RYR3: variants seen among roughly 807,000 people sequenced by gnomAD.
RYR3 encodes the protein ryanodine receptor 3.
A neutral mutation model predicts 584.3 loss-of-function variants in RYR3; 207 were observed. The observed-to-expected ratio is 0.35, with a 90% CI of 0.32 to 0.40. The LOEUF is 0.40. Ranked by LOEUF, RYR3 falls within the 10% of genes least tolerant of loss-of-function variation. RYR3 has a pLI of 1.00. For missense variants in RYR3, 5,616 were observed against 6,089.2 expected (o/e 0.92, Z 2.59); for synonymous variants, 2,416 against 2,248.5 (o/e 1.07, Z -2.11).
intron 2 of RYR3, among the ~76,000 whole-genome samples, chr15:33,495,626 C>T (rs2051350490): frequency 6.6e-6 from 1 of 152,038 alleles, no homozygotes. Flanking sequence ...TACCTAGTTC[C>T]TTTGTATTTC....
At chr15:33,635,441 G>C (rs144299649) in intron 25 of RYR3, among the ~76,000 whole-genome samples, 173 bp from the exon 26 acceptor site, 180 of 152,324 alleles carry the variant, frequency 1.2e-3, no homozygotes, top group African/African-American at 4.2e-3. Context: ...TAGCTTGTAT[G>C]GTGATGATGA....
chr15:33,445,713 A>ACACACACC (rs2046594868), intron 1 of RYR3, among the ~76,000 whole-genome samples: 11 of 147,292 alleles, frequency 7.5e-5, no homozygotes, highest in Admixed American at 7.5e-4. Context: ...ACACACACAC[A>ACACACACC]CGAAAGCCAT....
rs141951244 is a variant in RYR3, at chr15:33,664,035, A to G, written c.5619+298A>G. 1.4e-3 allele frequency among the ~76,000 whole-genome samples: 218 copies of G among 152,264 alleles called. 2 individuals carry two copies. Among genetic ancestry groups the G allele is most frequent in the Admixed American group, 5.9e-3 (90 of 15,288 alleles). On this transcript the variant is annotated intron_variant, in intron 36 of 103. Coordinates refer to ENST00000634891, the MANE Select transcript of RYR3 (RefSeq NM_001036.6). ...AAGACCAGACCACTGTTGGGATTCAATTGTCTCCTCAGCAAGGATACACCA... is the reference window on the plus strand; with the variant it reads ...AAGACCAGACCACTGTTGGGATTCAGTTGTCTCCTCAGCAAGGATACACCA...
chr15:33,499,537 G>A (rs561944619), intron 2 of RYR3, among the ~76,000 whole-genome samples: 7 of 152,212 alleles, frequency 4.6e-5, no homozygotes, highest in African/African-American at 1.4e-4. Context: ...ATATATTAGT[G>A]AACATATAAG....
At chr15:33,765,131 A>G (rs1476854167) in intron 60 of RYR3, among the ~76,000 whole-genome samples, 1 of 152,074 alleles carries the variant, frequency 6.6e-6, no homozygotes, top group Non-Finnish European at 1.5e-5. Context: ...CCTAATAGGA[A>G]AAAAATTTTT....
chr15:33,736,105 C>A (rs771173628), intron 48 of RYR3, 130 bp from the exon 49 acceptor site: 139 of 590,768 alleles, frequency 2.4e-4, no homozygotes, highest in Non-Finnish European at 4.0e-4. Context: ...CTTGTTTATC[C>A]GAGATCTTGT....
At chr15:33,666,575 A>G (rs747663428) in intron 36 of RYR3, among the ~76,000 whole-genome samples, 15 of 152,286 alleles carry the variant, frequency 9.8e-5, no homozygotes, top group Non-Finnish European at 1.3e-4. Flanking sequence ...TAGCAATGCA[A>G]AATCACTTAG....
At position 33,771,985 on chromosome 15, in the gene RYR3, C is replaced by G. The variant is rs2073610673; in HGVS notation, c.8882C>G (p.Ala2961Gly). ...AGLRAFFENAAEDLEKTSENL... is the reference protein window; with the variant it reads ...AGLRAFFENAGEDLEKTSENL... ...TTACGAGCATTCTTTGAAAATGCTG[C>G]AGAAGATTTGGAGAAGACTTCAGAA... Residue 2961 changes from alanine to glycine, a missense_variant, in exon 63 of 104, where the codon GCA becomes GGA. By Grantham distance (60) the Ala-to-Gly change is moderately conservative. This residue lies in a region of RYR3 where 954 missense variants were observed against 1,132.2 expected (regional missense o/e 0.84). Coordinates refer to ENST00000634891, the MANE Select transcript of RYR3 (RefSeq NM_001036.6). 39 of 1,613,648 alleles carry G rather than the reference C, an allele frequency of 2.4e-5. No individual in the cohort carries two copies. The highest frequency in any genetic ancestry group is 3.1e-5 in the Non-Finnish European group (37 of 1,179,778).
intron 43 of RYR3, among the ~76,000 whole-genome samples, chr15:33,709,596 C>A (rs1054120897): frequency 2.0e-5 from 3 of 152,164 alleles, no homozygotes; most frequent in African/African-American, 7.2e-5. Context: ...CTGGAGGCCA[C>A]GAGTTCAACA....
intron 67 of RYR3, among the ~76,000 whole-genome samples, chr15:33,791,223 T>A (rs1485158667): frequency 6.6e-6 from 1 of 152,158 alleles, no homozygotes; most frequent in African/African-American, 2.4e-5. Context: ...TCTTCACCAA[T>A]GGGAAGGATC....
chr15:33,758,160 T>C (rs2152862471), intron 60 of RYR3, among the ~76,000 whole-genome samples: 1 of 152,252 alleles, frequency 6.6e-6, no homozygotes, highest in Middle Eastern at 3.4e-3. Context: ...ACCAGGAGAT[T>C]CCCTCAGGTG....
At chr15:33,317,637 G>T (rs1334918086) in intron 1 of RYR3, among the ~76,000 whole-genome samples, 1 of 152,206 alleles carries the variant, frequency 6.6e-6, no homozygotes, top group Non-Finnish European at 1.5e-5. Context: ...CTCTTGAGAT[G>T]CCAAGATTAT....
At chr15:33,593,291 A>G (rs769912744) in intron 16 of RYR3, among the ~76,000 whole-genome samples, 24 of 152,228 alleles carry the variant, frequency 1.6e-4, no homozygotes, top group Non-Finnish European at 2.9e-4. Context: ...TGGAGAAAGC[A>G]TTTTACAAGA....
At chr15:33,676,940 A>G (rs1452998390) in intron 38 of RYR3, among the ~76,000 whole-genome samples, 2 of 152,134 alleles carry the variant, frequency 1.3e-5, no homozygotes, top group African/African-American at 4.8e-5. Flanking sequence ...GGTTCTCAGG[A>G]GAGAGAAAGT....
chr15:33,359,857 G>A (rs113902801), intron 1 of RYR3, among the ~76,000 whole-genome samples: 8,964 of 151,874 alleles, frequency 0.059, 349 homozygotes, highest in Non-Finnish European at 0.093. Context: ...TCCTGACCTC[G>A]TGATCCGTCC....
intron 1 of RYR3, among the ~76,000 whole-genome samples, chr15:33,423,646 T>C (rs2044395472): frequency 7.1e-6 from 1 of 140,722 alleles, no homozygotes. Flanking sequence ...TCAACATTTA[T>C]TATTTTCCAG....
chr15:33,573,160 A>G (rs2058125308), intron 12 of RYR3, among the ~76,000 whole-genome samples: 1 of 152,124 alleles, frequency 6.6e-6, no homozygotes, highest in Non-Finnish European at 1.5e-5. Context: ...CAAGAGGGAA[A>G]TTCTTGATTC....
intron 31 of RYR3, among the ~76,000 whole-genome samples, chr15:33,652,268 T>C (rs1281366505): frequency 6.6e-6 from 1 of 152,106 alleles, no homozygotes; most frequent in African/African-American, 2.4e-5. Flanking sequence ...TTCAAGTGTT[T>C]TACAGCCTTT....
At chr15:33,738,846 A>G (rs1480072866) in intron 50 of RYR3, among the ~76,000 whole-genome samples, 1 of 152,226 alleles carries the variant, frequency 6.6e-6, no homozygotes, top group Non-Finnish European at 1.5e-5. Flanking sequence ...AGTGACTACC[A>G]GAGTGAATTC....
Sources: allele counts gnomAD v4.1 joint callset (sites outside exome capture counted in the v4.1 genomes callset), GRCh38; gene constraint gnomAD v4.1.1; regional missense constraint gnomAD v4.1.1; transcripts MANE v1.5; gene names NCBI Gene and HGNC (gene_info 2026-07-23, HGNC 2026-07-21).